Variants in PAK2 observed in about 807,000 individuals in gnomAD.
The protein encoded by PAK2 is p21 (RAC1) activated kinase 2.
A neutral mutation model predicts 65.9 loss-of-function variants in PAK2; 21 were observed. The ratio of observed to expected loss-of-function variants is 0.32; its 90% confidence interval spans 0.23 to 0.46. PAK2 has a LOEUF of 0.46. Ranked by LOEUF, PAK2 falls within the 20% of genes least tolerant of loss-of-function variation. PAK2 has a pLI of 1.00. For missense variants in PAK2, 324 were observed against 642.6 expected, an observed-to-expected ratio of 0.50 and a Z score of 5.36; for synonymous variants, 204 against 219.7, an observed-to-expected ratio of 0.93 and a Z score of 0.63.
chr3:196,811,210 CCCT>C (rs1715781316), intron 8 of PAK2, among the ~76,000 whole-genome samples: 1 of 61,856 alleles, frequency 1.6e-5, no homozygotes, highest in Non-Finnish European at 2.9e-5. Context: ...TCCCTTCCTT[CCCT>C]TCCCTCCCTC....
intron 1 of PAK2, among the ~76,000 whole-genome samples, chr3:196,742,874 C>T (rs1040735773): frequency 6.6e-6 from 1 of 152,154 alleles, no homozygotes; most frequent in Non-Finnish European, 1.5e-5. Context: ...GAGTCGAGAT[C>T]GCGCCACTGC....
At chr3:196,822,570 G>C (rs551175645) in intron 13 of PAK2, among the ~76,000 whole-genome samples, 3 of 152,174 alleles carry the variant, frequency 2.0e-5, no homozygotes, top group African/African-American at 7.2e-5. Flanking sequence ...TGTGCCTGTA[G>C]TCACAGCTAA....
chr3:196,768,036 G>C (rs2108727334), intron 1 of PAK2, among the ~76,000 whole-genome samples: 2 of 152,122 alleles, frequency 1.3e-5, no homozygotes, highest in African/African-American at 4.8e-5. Flanking sequence ...TCACATAGTG[G>C]TTGCATATCT....
At chr3:196,751,694 T>A (rs1442273346) in intron 1 of PAK2, among the ~76,000 whole-genome samples, 1,036 of 45,836 alleles carry the variant, frequency 0.023, 141 homozygotes, top group Non-Finnish European at 0.036. Context: ...TATATATATA[T>A]AATTCAGGCT....
intron 13 of PAK2, among the ~76,000 whole-genome samples, chr3:196,825,629 C>A (rs1466060517): frequency 2.0e-5 from 3 of 151,934 alleles, no homozygotes; most frequent in African/African-American, 7.3e-5. Context: ...GGCCACAGAG[C>A]CAGACTCCGT....
At chr3:196,793,853 T>A (rs6583174) in intron 2 of PAK2, among the ~76,000 whole-genome samples, 53 of 152,188 alleles carry the variant, frequency 3.5e-4, no homozygotes, top group South Asian at 1.9e-3. Context: ...TTCTCCCTGC[T>A]GGAGCGGTGG....
At chr3:196,772,256 A>T (rs1175299228) in intron 1 of PAK2, among the ~76,000 whole-genome samples, 1 of 152,218 alleles carries the variant, frequency 6.6e-6, no homozygotes, top group Admixed American at 6.5e-5. Context: ...TTTCAACATT[A>T]GGCAGACTGG....
intron 1 of PAK2, among the ~76,000 whole-genome samples, chr3:196,781,465 A>G (rs1360896114): frequency 6.6e-6 from 1 of 152,208 alleles, no homozygotes; most frequent in African/African-American, 2.4e-5. Flanking sequence ...AGATTACCCA[A>G]CTGCCTGGAC....
rs1712045794 is a variant in PAK2, at chr3:196,830,677, A to G, written c.*2272A>G. 1 of 152,204 alleles carries G rather than the reference A, an allele frequency of 6.6e-6. No individual in the cohort carries two copies. Among genetic ancestry groups the G allele is most frequent in the South Asian group, 2.1e-4 (1 of 4,828 alleles). The allele number at this position is 152,204 out of a possible 1,614,324, so 9.4% of individuals were successfully genotyped here. A position where few individuals can be genotyped will look rare whatever the true frequency, so the allele number is the denominator to read the frequency against. On this transcript the variant is annotated 3_prime_UTR_variant, in exon 15 of 15. Coordinates refer to ENST00000327134, the MANE Select transcript of PAK2 (RefSeq NM_002577.4). ...ATTGCTGGCAACTGACTTGTCATTA[A>G]AACCTGGCTCTTTGGTTAAGGGAGC...
Position 196,827,142 on chromosome 3 carries a change from C to G in PAK2, c.1351-54C>G, listed in dbSNP as rs532448853. 4.0e-6 allele frequency: 5 copies of G among 1,257,614 alleles called. No individual in the cohort carries two copies. In the African/African-American group the frequency reaches 7.6e-5, roughly 19 times the overall value. The allele number at this position is 1,257,614 out of a possible 1,614,324, so 77.9% of individuals were successfully genotyped here. ...AATCCCTTAGACTTTATGGAGTGCT[C>G]TGTGACCGTGTTGAGCTATCTTAAG... On this transcript the variant is annotated intron_variant, in intron 13 of 14. Transcript: ENST00000327134.
intron 12 of PAK2, among the ~76,000 whole-genome samples, chr3:196,819,705 A>C (rs1463139196): frequency 2.0e-5 from 3 of 152,224 alleles, no homozygotes; most frequent in African/African-American, 4.8e-5. Flanking sequence ...CTTTTCCACT[A>C]AATGAACATT....
intron 13 of PAK2, among the ~76,000 whole-genome samples, chr3:196,826,408 G>A (rs879423890): frequency 2.0e-5 from 3 of 151,832 alleles, no homozygotes; most frequent in African/African-American, 4.8e-5. Flanking sequence ...TCCTGACCTC[G>A]TGACCGGCCC....
At position 196,830,458 on chromosome 3, in the gene PAK2, T is replaced by C. The variant is rs550530355; in HGVS notation, c.*2053T>C. 7 of 151,380 alleles carry C rather than the reference T, an allele frequency of 4.6e-5. No homozygotes were observed. The East Asian group carries it at 5.8e-4, about 13-fold the overall frequency. 9.4% of individuals were successfully genotyped at this position (151,380 alleles called of 1,614,324 possible). On this transcript the variant is annotated 3_prime_UTR_variant, in exon 15 of 15. Coordinates refer to ENST00000327134, the MANE Select transcript of PAK2 (RefSeq NM_002577.4). Reference sequence around the variant, plus strand: ...GATAAAGAAGATGCTACCAATGAAATAGAAAACCAACGAGATGAGAAGACT... The same window carrying C: ...GATAAAGAAGATGCTACCAATGAAACAGAAAACCAACGAGATGAGAAGACT...
chr3:196,772,442 A>G lies in PAK2; in HGVS notation c.-21-10184A>G, dbSNP rs111899459. 3.4e-3 allele frequency among the ~76,000 whole-genome samples: 515 copies of G among 152,272 alleles called. 4 individuals carry two copies. The highest frequency in any genetic ancestry group is 0.021 in the South Asian group (99 of 4,826). ...TCCCTCTTATTTTACTAGCCCATCC[A>G]TGCATTTAAAAAGACTTGATACGTT... On this transcript the variant is annotated intron_variant, in intron 1 of 14. Transcript: ENST00000327134.
intron 11 of PAK2, among the ~76,000 whole-genome samples, chr3:196,815,349 A>G (rs568177565): frequency 5.5e-4 from 82 of 149,636 alleles, no homozygotes; most frequent in Non-Finnish European, 7.1e-4. Context: ...AAAATTAGCC[A>G]GGCATGGTGG....
intron 8 of PAK2, among the ~76,000 whole-genome samples, chr3:196,811,241 T>C (rs1406733510): frequency 2.9e-4 from 6 of 20,956 alleles, no homozygotes; most frequent in Admixed American, 7.8e-4. Flanking sequence ...TTCCCTTCCT[T>C]CCCTCCCTCC....
intron 1 of PAK2, among the ~76,000 whole-genome samples, chr3:196,745,703 A>G (rs2108705237): frequency 6.6e-6 from 1 of 151,708 alleles, no homozygotes; most frequent in Admixed American, 6.6e-5. Context: ...AGTTCCAGCT[A>G]CTCCGGAGGC....
chr3:196,750,057 G>C (rs1461997997), intron 1 of PAK2, among the ~76,000 whole-genome samples: 2 of 151,700 alleles, frequency 1.3e-5, no homozygotes, highest in African/African-American at 4.8e-5. Context: ...CATGATCTGG[G>C]CTCACTGCAA....
intron 2 of PAK2, 58 bp downstream of exon 2, chr3:196,782,891 C>A: frequency 8.6e-7 from 1 of 1,159,714 alleles, no homozygotes; most frequent in Non-Finnish European, 1.2e-6. Flanking sequence ...GTATGTTACC[C>A]ATGTTGATAA....
Sources: gnomAD v4.1 joint callset for allele counts (sites outside exome capture counted in the v4.1 genomes callset) on GRCh38, gnomAD v4.1.1 for gene constraint, MANE v1.5 for transcripts, NCBI Gene and HGNC (gene_info 2026-07-23, HGNC 2026-07-21) for gene names.